Variants in STXBP2 observed in about 807,000 individuals in gnomAD.
The protein encoded by STXBP2 is syntaxin binding protein 2, also known as syntaxin-binding protein 2.
In STXBP2, 47 loss-of-function variants were observed where a neutral mutation model predicts 72.2. That is an observed-to-expected ratio of 0.65 (90% confidence interval 0.51 to 0.83). The LOEUF (loss-of-function observed/expected upper bound fraction) is 0.83, where lower values mean the gene tolerates loss of function less well. STXBP2 is among the 40% of genes least tolerant of loss of function. STXBP2 has a pLI of 0.00. For missense variants in STXBP2, 702 were observed against 807.6 expected (o/e 0.87, Z 1.58); for synonymous variants, 367 against 338.7 (o/e 1.08, Z -0.92).
chr19:7,639,917 T>C, intron 4 of STXBP2, 110 bp downstream of exon 4: 2 of 1,188,134 alleles, frequency 1.7e-6, no homozygotes, highest in Non-Finnish European at 2.4e-6. Context: ...TACGTGTGCA[T>C]GTGTCCATGT....
the STXBP2 span, chr19:7,630,504 C>T: frequency 7.7e-7 from 1 of 1,304,102 alleles, no homozygotes; most frequent in Non-Finnish European, 1.1e-6. Context: ...GGATGGGTCC[C>T]CCAGGCTCTG....
chr19:7,637,430 T>G (rs1160482047), intron 1 of STXBP2, among the ~76,000 whole-genome samples: 9 of 151,430 alleles, frequency 5.9e-5, no homozygotes, highest in Non-Finnish European at 1.5e-5. Context: ...ACGGGTAGAG[T>G]GTGGCGGAGG....
intron 13 of STXBP2, 77 bp from the exon 14 acceptor site, chr19:7,644,537 G>C: frequency 1.3e-6 from 2 of 1,589,506 alleles, no homozygotes; most frequent in Admixed American, 3.4e-5. Context: ...AGGATCCTGG[G>C]GATGTCCTTG....
intron 16 of STXBP2, 125 bp downstream of exon 16, chr19:7,646,469 C>A: frequency 2.2e-6 from 2 of 928,730 alleles, no homozygotes; most frequent in Non-Finnish European, 3.4e-6. Flanking sequence ...ATTCCCTTGG[C>A]ACCGATCTGC....
At chr19:7,643,658 G>GAT (rs2031989108) in intron 13 of STXBP2, among the ~76,000 whole-genome samples, 2 of 150,850 alleles carry the variant, frequency 1.3e-5, no homozygotes, top group African/African-American at 2.4e-5. Context: ...GTGGGACCTG[G>GAT]GAGAGGAATG....
At chr19:7,630,604 T>C in the STXBP2 span, 1 of 1,537,116 alleles carries the variant, frequency 6.5e-7, no homozygotes, top group Non-Finnish European at 8.7e-7. Context: ...CCTGTGGCTA[T>C]GTTCTGGGTT....
rs568065917 is a variant in STXBP2, at chr19:7,639,862, G to GTGTGCA, written c.246+59_246+60insCATGTG. On this transcript the variant is annotated intron_variant, in intron 4 of 18. Coordinates refer to ENST00000221283, the MANE Select transcript of STXBP2 (RefSeq NM_006949.4). The stretch of plus-strand genomic sequence containing the variant: ...CGCGTGCATGCGTGTACATGTGCAT[G>GTGTGCA]TGTGTGTATGTCTGCATGCATGTGA... The GTGTGCA allele has an allele frequency of 1.7e-3, 2,645 of 1,532,580 alleles. 28 individuals are homozygous for GTGTGCA. The African/African-American group carries it at 0.02, about 12-fold the overall frequency. The allele number at this position is 1,532,580 out of a possible 1,614,324, so 94.9% of individuals were successfully genotyped here.
the STXBP2 span, chr19:7,631,719 G>T: frequency 6.9e-7 from 1 of 1,449,888 alleles, no homozygotes; most frequent in South Asian, 1.5e-5. Flanking sequence ...GCTGGGGGCT[G>T]CTGTTCCGAC....
intron 4 of STXBP2, chr19:7,640,015 T>G: frequency 1.5e-6 from 1 of 679,322 alleles, no homozygotes; most frequent in African/African-American, 1.8e-5. Flanking sequence ...TATGTGTCTG[T>G]GTGCATGTGC....
chr19:7,640,495 T>C (rs750815141), intron 4 of STXBP2: 42 of 688,240 alleles, frequency 6.1e-5, no homozygotes, highest in Middle Eastern at 3.0e-4. Flanking sequence ...TATGTGTGTG[T>C]GCATCTGTGT....
At chr19:7,635,132 T>C (rs929594394), upstream of STXBP2, among the ~76,000 whole-genome samples, 1 of 152,178 alleles carries the variant, frequency 6.6e-6, no homozygotes, top group Admixed American at 6.5e-5. Context: ...TGGCTGGCCC[T>C]AACAGCTCTC....
At position 7,641,836 on chromosome 19, in the gene STXBP2, G is replaced by C; in HGVS notation, c.561G>C (p.Pro187=). 4 of 1,553,832 alleles carry C rather than the reference G, an allele frequency of 2.6e-6. No homozygotes were observed. Among genetic ancestry groups the C allele is most frequent in the Non-Finnish European group, 2.6e-6 (3 of 1,149,340 alleles). Residue 187 remains proline (P), a synonymous_variant, in exon 7 of 19, where the codon CCG becomes CCC. Transcript: ENST00000221283. The part of the protein sequence containing the change: ...ATLCATLQEY[P]AIRYRKGPED... ...TGTGCGCCACCCTGCAGGAGTACCC[G>C]GCCATCCGCTACCGCAAGTGGGGAC...
At position 7,646,386 on chromosome 19, in the gene STXBP2, C is replaced by T. The variant is rs371787569; in HGVS notation, c.1452+42C>T. ...CAGGGTGGGGGCCAGCCCTCCGCAT[C>T]GGCTGGCGGCTCAGCCTCCCTCCTG... On this transcript the variant is annotated intron_variant, in intron 16 of 18. Transcript: ENST00000221283. 1.5e-4 allele frequency: 223 copies of T among 1,535,822 alleles called. No individual in the cohort carries two copies. The African/African-American group carries it at 2.6e-3, about 18-fold the overall frequency.
Position 7,637,159 on chromosome 19 carries a change from TC to T in STXBP2, c.11del (p.Ser4TrpfsTer3). The T allele has an allele frequency of 8.1e-7, 1 of 1,241,628 alleles. No homozygotes were observed. The highest frequency in any genetic ancestry group is 1.0e-6 in the Non-Finnish European group (1 of 988,192). The allele number at this position is 1,241,628 out of a possible 1,614,324, so 76.9% of individuals were successfully genotyped here. On this transcript the variant is annotated frameshift_variant, in exon 1 of 19. Transcript: ENST00000221283. LOFTEE classifies it high-confidence loss of function. Reference sequence around the variant, plus strand: ...GCGCCCCTCGGGGAAGATGGCGCCCTCGGGGCTGAAGGCGGTGGTGGGGGAA... The same window carrying T: ...GCGCCCCTCGGGGAAGATGGCGCCCTGGGGCTGAAGGCGGTGGTGGGGGAA... MAP[S>X]GLKAVVGEKI...
intron 3 of STXBP2, 193 bp from the exon 4 acceptor site, chr19:7,639,538 C>T (rs2031701745): frequency 4.7e-6 from 3 of 640,106 alleles, no homozygotes; most frequent in Admixed American, 4.6e-5. Context: ...TTTGGGGAAC[C>T]CAGTTGGCTG....
chr19:7,640,611 A>G (rs774887162), intron 4 of STXBP2, 120 bp from the exon 5 acceptor site: 37 of 1,315,032 alleles, frequency 2.8e-5, no homozygotes, highest in Non-Finnish European at 3.9e-5. Context: ...TTGCACATAT[A>G]CATGTCCCCG....
intron 16 of STXBP2, chr19:7,646,868 C>T: frequency 1.9e-6 from 1 of 539,656 alleles, no homozygotes; most frequent in Non-Finnish European, 3.3e-6. Flanking sequence ...GACTGATGGT[C>T]CCCAAGGGCC....
Position 7,647,811 on chromosome 19 carries a change from C to T in STXBP2, c.*1C>T. The T allele has an allele frequency of 6.2e-7, 1 of 1,607,312 alleles. No homozygotes were observed. The highest frequency in any genetic ancestry group is 1.3e-5 in the African/African-American group (1 of 74,584). On this transcript the variant is annotated 3_prime_UTR_variant, in exon 19 of 19. Coordinates refer to ENST00000221283, the MANE Select transcript of STXBP2 (RefSeq NM_006949.4). ...GCTGGAGGACATTGCCCTGCCCTGACCCCTGGCCCCGCCCCCTACCCCTCC... is the reference window on the plus strand; with the variant it reads ...GCTGGAGGACATTGCCCTGCCCTGATCCCTGGCCCCGCCCCCTACCCCTCC...
At chr19:7,633,364 G>T, upstream of STXBP2, 1 of 1,541,002 alleles carries the variant, frequency 6.5e-7, no homozygotes, top group Non-Finnish European at 8.8e-7. Context: ...CATGGGCTCT[G>T]AGACCTTGAG....
Sources: allele counts gnomAD v4.1 joint callset (sites outside exome capture counted in the v4.1 genomes callset), GRCh38; gene constraint gnomAD v4.1.1; transcripts MANE v1.5; gene names NCBI Gene and HGNC (gene_info 2026-07-23, HGNC 2026-07-21).